Variants in CLYBL observed in about 807,000 individuals in gnomAD.
CLYBL encodes citramalyl-CoA lyase.
CLYBL carries 31 observed loss-of-function variants against 38.9 expected under a neutral mutation model. The observed-to-expected ratio is 0.80, with a 90% CI of 0.60 to 1.08. CLYBL has a LOEUF of 1.08. CLYBL is among the 50% of genes least tolerant of loss of function. The pLI, the probability that CLYBL is intolerant of heterozygous loss-of-function variation, is 0.00. For synonymous variants in CLYBL, 171 were observed against 158.6 expected, an observed-to-expected ratio of 1.08 and a Z score of -0.59; for missense variants, 434 against 411.6, an observed-to-expected ratio of 1.05 and a Z score of -0.47.
intron 2 of CLYBL, among the ~76,000 whole-genome samples, chr13:99,780,412 G>A (rs569474623): frequency 1.9e-4 from 29 of 152,002 alleles, no homozygotes; most frequent in Admixed American, 1.8e-3. Context: ...ATGGAGTCTC[G>A]CTCTGTCACC....
intron 2 of CLYBL, among the ~76,000 whole-genome samples, chr13:99,777,408 G>A (rs2049541218): frequency 6.6e-6 from 1 of 152,102 alleles, no homozygotes; most frequent in African/African-American, 2.4e-5. Flanking sequence ...ACCCAAGTCA[G>A]TACCTCATTG....
chr13:99,682,511 G>T (rs751962219), intron 1 of CLYBL, among the ~76,000 whole-genome samples: 4 of 152,042 alleles, frequency 2.6e-5, no homozygotes, highest in Non-Finnish European at 5.9e-5. Context: ...CTGCATAAAA[G>T]ATTTAAAATG....
chr13:99,817,029 T>G (rs2139010822), intron 2 of CLYBL, among the ~76,000 whole-genome samples: 1 of 152,252 alleles, frequency 6.6e-6, no homozygotes, highest in Admixed American at 6.5e-5. Context: ...GGCCATGTAA[T>G]TATGTAGGCT....
intron 1 of CLYBL, among the ~76,000 whole-genome samples, chr13:99,715,851 C>T (rs2048304148): frequency 6.6e-6 from 1 of 152,088 alleles, no homozygotes; most frequent in Non-Finnish European, 1.5e-5. Context: ...TTGATTCACT[C>T]TCCATTTGCC....
chr13:99,877,650 C>T, intron 7 of CLYBL: 1 of 320,382 alleles, frequency 3.1e-6, no homozygotes, highest in Non-Finnish European at 5.9e-6. Flanking sequence ...GATCTCGGCT[C>T]CCTGCAACCT....
intron 7 of CLYBL, among the ~76,000 whole-genome samples, chr13:99,882,116 T>C (rs930095033): frequency 7.2e-5 from 11 of 152,128 alleles, no homozygotes; most frequent in African/African-American, 2.7e-4. Context: ...TTAAAATACA[T>C]AGTATATACA....
chr13:99,612,870 C>A (rs1328801165), intron 1 of CLYBL, among the ~76,000 whole-genome samples: 1 of 151,852 alleles, frequency 6.6e-6, no homozygotes, highest in Non-Finnish European at 1.5e-5. Context: ...TAAAAGTTAG[C>A]TGGATGTGGT....
At chr13:99,843,604 C>T (rs80336087) in intron 2 of CLYBL, among the ~76,000 whole-genome samples, 3,524 of 142,804 alleles carry the variant, frequency 0.025, 115 homozygotes, top group African/African-American at 0.079. Flanking sequence ...AAAAATTAAT[C>T]TTTTTTTTTT....
downstream of CLYBL, among the ~76,000 whole-genome samples, chr13:99,900,559 A>G (rs76882527): frequency 2.8e-3 from 422 of 152,246 alleles, 1 homozygote; most frequent in Middle Eastern, 0.01. Flanking sequence ...AAAAAATGCA[A>G]TGCTAGGGGC....
intron 1 of CLYBL, among the ~76,000 whole-genome samples, chr13:99,643,937 G>A (rs113576597): frequency 0.015 from 2,209 of 150,970 alleles, 48 homozygotes; most frequent in African/African-American, 0.046. Flanking sequence ...CCCAGGAGGC[G>A]GAGGTTGCAG....
chr13:99,731,819 G>C (rs1346727092), intron 1 of CLYBL, among the ~76,000 whole-genome samples: 2 of 152,198 alleles, frequency 1.3e-5, no homozygotes, highest in Non-Finnish European at 2.9e-5. Context: ...TAGCCAAGAA[G>C]TAAACTGAAT....
At chr13:99,815,747 T>A (rs1258187199) in intron 2 of CLYBL, among the ~76,000 whole-genome samples, 1 of 152,094 alleles carries the variant, frequency 6.6e-6, no homozygotes, top group Admixed American at 6.5e-5. Flanking sequence ...CATGATTGTG[T>A]GCACCTGTAA....
intron 1 of CLYBL, among the ~76,000 whole-genome samples, chr13:99,742,293 A>G (rs1300522930): frequency 1.3e-5 from 2 of 152,204 alleles, no homozygotes; most frequent in African/African-American, 4.8e-5. Flanking sequence ...TGCATTTAGC[A>G]CTTTTTCCTG....
At chr13:99,857,519 G>C (rs984983202) in intron 2 of CLYBL, among the ~76,000 whole-genome samples, 1 of 152,182 alleles carries the variant, frequency 6.6e-6, no homozygotes, top group African/African-American at 2.4e-5. Flanking sequence ...ATGAAGCTCT[G>C]TAAATCAGGA....
intron 7 of CLYBL, among the ~76,000 whole-genome samples, chr13:99,876,765 G>C (rs988176905): frequency 1.3e-5 from 2 of 152,142 alleles, no homozygotes; most frequent in Non-Finnish European, 2.9e-5. Flanking sequence ...TGTAAGTAAA[G>C]ATATGGAATA....
chr13:99,802,395 T>A (rs1219104182), intron 2 of CLYBL, among the ~76,000 whole-genome samples: 4 of 152,206 alleles, frequency 2.6e-5, no homozygotes, highest in Non-Finnish European at 5.9e-5. Context: ...ATTGTTAAAT[T>A]TCACTCAAAC....
At chr13:99,664,802 C>A (rs1310393436) in intron 1 of CLYBL, among the ~76,000 whole-genome samples, 3 of 152,018 alleles carry the variant, frequency 2.0e-5, no homozygotes, top group Non-Finnish European at 2.9e-5. Context: ...ACCAAAAAAA[C>A]CGGGAAAATA....
chr13:99,891,592 A>C, intron 8 of CLYBL, 155 bp downstream of exon 8: 6 of 537,212 alleles, frequency 1.1e-5, no homozygotes. Context: ...CCCCTAAAAA[A>C]ATGAACGCTT....
At chr13:99,762,103 C>A (rs1351721124) in intron 1 of CLYBL, among the ~76,000 whole-genome samples, 1 of 152,170 alleles carries the variant, frequency 6.6e-6, no homozygotes, top group African/African-American at 2.4e-5. Context: ...TATTTTCTCT[C>A]ATTCAGCAGA....
Sources: allele counts gnomAD v4.1 joint callset (sites outside exome capture counted in the v4.1 genomes callset), GRCh38; gene constraint gnomAD v4.1.1; transcripts MANE v1.5; gene names NCBI Gene and HGNC (gene_info 2026-07-23, HGNC 2026-07-21).